The following ZRANB3 variants were observed in gnomAD, a reference collection of about 807,000 sequenced individuals.
ZRANB3 encodes zinc finger RANBP2-type containing 3.
Under a neutral mutation model 133.8 loss-of-function variants are expected in ZRANB3, and 125 were observed. That is an observed-to-expected ratio of 0.93 (90% confidence interval 0.81 to 1.08). The LOEUF (loss-of-function observed/expected upper bound fraction) is 1.08. Among genes scored for constraint, ZRANB3 ranks in the 50% least tolerant of loss-of-function variants. The pLI, the probability that ZRANB3 is intolerant of heterozygous loss-of-function variation, is 0.00. For missense variants in ZRANB3, 1,229 were observed against 1,275.5 expected (o/e 0.96, Z 0.56); for synonymous variants, 387 against 432.7 (o/e 0.89, Z 1.31).
chr2:135,295,975 GA>G (rs1682056143), intron 8 of ZRANB3, among the ~76,000 whole-genome samples: 1 of 152,174 alleles, frequency 6.6e-6, no homozygotes, highest in East Asian at 1.9e-4. Context: ...TTCCCTTTGT[GA>G]GTAACCCGAC....
intron 3 of ZRANB3, among the ~76,000 whole-genome samples, chr2:135,372,975 G>A (rs967181349): frequency 6.6e-6 from 1 of 151,478 alleles, no homozygotes; most frequent in African/African-American, 2.4e-5. Flanking sequence ...CTAGCTACTT[G>A]GGAGGCTAAG....
rs1172141394 is a variant in ZRANB3 at position 135,495,661 on chromosome 2, GA to G, written c.161+8667del. 9.9e-5 allele frequency among the ~76,000 whole-genome samples: 15 copies of G among 152,024 alleles called. No individual in the cohort carries two copies. The East Asian group carries it at 2.3e-3, about 23-fold the overall frequency. Reference sequence around the variant, plus strand: ...ACATTTGAAATTACTTCAAAAAGTTGAAAAAAATACAGCACCAAGTAACTAT... The same window carrying G: ...ACATTTGAAATTACTTCAAAAAGTTGAAAAAATACAGCACCAAGTAACTAT... On this transcript the variant is annotated intron_variant, in intron 2 of 20. Coordinates refer to ENST00000264159, the MANE Select transcript of ZRANB3 (RefSeq NM_032143.4).
chr2:135,394,195 G>T (rs1156332352), intron 2 of ZRANB3, among the ~76,000 whole-genome samples: 1 of 152,074 alleles, frequency 6.6e-6, no homozygotes, highest in South Asian at 2.1e-4. Flanking sequence ...AGATACCCCC[G>T]ATTTGTTACG....
rs766787700 is a variant in ZRANB3 at position 135,224,433 on chromosome 2, T to G, written c.2243A>C (p.Tyr748Ser). The G allele has an allele frequency of 1.2e-6, 2 of 1,611,924 alleles. No homozygotes were observed. Among genetic ancestry groups the G allele is most frequent in the South Asian group, 2.2e-5 (2 of 90,672 alleles). The change falls in exon 15 of 21, where the codon TAT becomes TCT. Residue 748 changes from tyrosine (Y) to serine (S), a missense_variant. Coordinates refer to ENST00000264159, the MANE Select transcript of ZRANB3 (RefSeq NM_032143.4). ...AATCTGCATGACGCTTACCTTAGTA[T>G]AGATGTGAATCCGGTCAGTATTCCT... ...ASRNTDRIHI[Y>S]TKDGKQMSCN...
At chr2:135,422,454 T>C (rs1688902769) in intron 2 of ZRANB3, among the ~76,000 whole-genome samples, 1 of 148,666 alleles carries the variant, frequency 6.7e-6, no homozygotes, top group Non-Finnish European at 1.5e-5. Context: ...GCTTCTAGAA[T>C]GCCATATTCT....
chr2:135,530,936 G>T (rs1243290667), intron 1 of ZRANB3, among the ~76,000 whole-genome samples, 191 bp downstream of exon 1: 1 of 152,176 alleles, frequency 6.6e-6, no homozygotes, highest in Non-Finnish European at 1.5e-5. Flanking sequence ...GCCGAAAAGA[G>T]CAATCACCCC....
chr2:135,220,292 G>A lies in ZRANB3; in HGVS notation c.2251-1114C>T, dbSNP rs373229015. Among the ~76,000 whole-genome samples, 14 of 149,560 alleles carry A rather than the reference G, an allele frequency of 9.4e-5. No individual in the cohort carries two copies. The East Asian group carries it at 2.4e-3, about 25-fold the overall frequency. ...AAAGGGGAAGAAGAACATCTCATAC[G>A]AAAATCTATTATATCAACAATAGTT... On this transcript the variant is annotated intron_variant, in intron 15 of 20. Coordinates refer to ENST00000264159, the MANE Select transcript of ZRANB3 (RefSeq NM_032143.4).
rs1369598925 is a variant in ZRANB3 at position 135,230,703 on chromosome 2, A to G, written c.1764T>C (p.Ser588=). Reference sequence around the variant, plus strand: ...ACTGGGATGGTGTCTCTTCCGACGGACTGCAGTGGTCTTCCGAGGCAGCCA... The same window carrying G: ...ACTGGGATGGTGTCTCTTCCGACGGGCTGCAGTGGTCTTCCGAGGCAGCCA... ...LKLAASEDHC[S]PSEETPSQSK... Residue 588 remains serine (S), a synonymous_variant, in exon 13 of 21, where the codon AGT becomes AGC. Transcript: ENST00000264159. 1 of 1,612,886 alleles carries G rather than the reference A, an allele frequency of 6.2e-7. No homozygotes were observed. Among genetic ancestry groups the G allele is most frequent in the East Asian group, 2.2e-5 (1 of 44,878 alleles).
chr2:135,417,029 C>G (rs1688610666), intron 2 of ZRANB3, among the ~76,000 whole-genome samples: 1 of 152,116 alleles, frequency 6.6e-6, no homozygotes, highest in South Asian at 2.1e-4. Context: ...CTAGGCAATA[C>G]CATTCAGGAC....
chr2:135,511,415 C>A, intron 1 of ZRANB3: 1 of 814,456 alleles, frequency 1.2e-6, no homozygotes, highest in Non-Finnish European at 2.2e-6. Flanking sequence ...TGACAACTGC[C>A]TGATCACAGA....
At chr2:135,490,679 T>C (rs1692330944) in intron 2 of ZRANB3, among the ~76,000 whole-genome samples, 1 of 152,214 alleles carries the variant, frequency 6.6e-6, no homozygotes, top group South Asian at 2.1e-4. Context: ...AAGAGATATC[T>C]GCACTCTTAT....
At chr2:135,332,763 C>T (rs1684206592) in intron 6 of ZRANB3, among the ~76,000 whole-genome samples, 1 of 152,162 alleles carries the variant, frequency 6.6e-6, no homozygotes, top group African/African-American at 2.4e-5. Context: ...CTCACTATGT[C>T]TTTACTATTG....
At chr2:135,228,128 G>T in intron 13 of ZRANB3, 113 bp from the exon 14 acceptor site, 2 of 912,182 alleles carry the variant, frequency 2.2e-6, no homozygotes, top group South Asian at 3.8e-5. Context: ...TTATTCATAT[G>T]TTCAAAACAT....
rs147330643 is a variant in ZRANB3, at chr2:135,447,881, G to A, written c.161+56448C>T. Among the ~76,000 whole-genome samples, 345 of 152,144 alleles carry A rather than the reference G, an allele frequency of 2.3e-3. 2 individuals carry two copies. Among genetic ancestry groups the A allele is most frequent in the Non-Finnish European group, 3.7e-3 (252 of 68,004 alleles). The stretch of plus-strand genomic sequence containing the variant: ...GAGGGAAACAAGGGAAATGACAGTG[G>A]TTACTTATTCTACCATTTTGTACCA... On this transcript the variant is annotated intron_variant, in intron 2 of 20. Coordinates refer to ENST00000264159, the MANE Select transcript of ZRANB3 (RefSeq NM_032143.4).
chr2:135,388,109 AG>A lies in ZRANB3; in HGVS notation c.180+2692del, dbSNP rs532131177. ...CTCCACAATCATGGTGGAAGGCGAA[AG>A]AGGAGTAAGGTCACATCTTTTACAC... On this transcript the variant is annotated intron_variant, in intron 3 of 20. Transcript: ENST00000264159. Among the ~76,000 whole-genome samples, 124 of 152,310 alleles carry A rather than the reference AG, an allele frequency of 8.1e-4. 1 individual carries two copies. Among genetic ancestry groups the A allele is most frequent in the African/African-American group, 2.6e-3 (110 of 41,568 alleles).
chr2:135,410,225 A>T (rs1395401195), intron 2 of ZRANB3, among the ~76,000 whole-genome samples: 2 of 152,110 alleles, frequency 1.3e-5, no homozygotes, highest in East Asian at 3.9e-4. Context: ...ACACTACCCA[A>T]CTTCAAACTA....
chr2:135,238,393 C>CTTT (rs376967394), intron 12 of ZRANB3, among the ~76,000 whole-genome samples: 6 of 138,494 alleles, frequency 4.3e-5, no homozygotes, highest in African/African-American at 1.3e-4. Flanking sequence ...TGCTGTGTGA[C>CTTT]TTTTTTTTTT....
chr2:135,391,625 G>C (rs1483487646), intron 2 of ZRANB3, among the ~76,000 whole-genome samples: 1 of 150,708 alleles, frequency 6.6e-6, no homozygotes, highest in East Asian at 1.9e-4. Flanking sequence ...TGTTGCCCAG[G>C]CTGGAGTGCA....
intron 2 of ZRANB3, among the ~76,000 whole-genome samples, chr2:135,473,973 T>G (rs914383508): frequency 2.7e-4 from 41 of 152,144 alleles, no homozygotes; most frequent in African/African-American, 9.2e-4. Flanking sequence ...TCAATTGATC[T>G]CAGGAGTTTG....
Sources: gnomAD v4.1 joint callset for allele counts (sites outside exome capture counted in the v4.1 genomes callset) on GRCh38, gnomAD v4.1.1 for gene constraint, MANE v1.5 for transcripts, NCBI Gene and HGNC (gene_info 2026-07-23, HGNC 2026-07-21) for gene names.